Variants in ROBO1 observed in about 807,000 individuals in gnomAD.
ROBO1 encodes the protein roundabout guidance receptor 1, also known as roundabout homolog 1.
ROBO1 carries 149 observed loss-of-function variants against 195.9 expected under a neutral mutation model. That is an observed-to-expected ratio of 0.76 (90% CI 0.67 to 0.87). ROBO1 has a LOEUF of 0.87. Ranked by LOEUF, ROBO1 falls within the 40% of genes least tolerant of loss-of-function variation. The pLI, the probability that ROBO1 is intolerant of heterozygous loss-of-function variation, is 0.00. For missense variants in ROBO1, 1,933 were observed against 2,068.3 expected (o/e 0.93, Z 1.27); for synonymous variants, 816 against 733.2 (o/e 1.11, Z -1.82).
intron 2 of ROBO1, among the ~76,000 whole-genome samples, chr3:79,355,675 C>T (rs987523113): frequency 1.4e-4 from 21 of 152,124 alleles, no homozygotes; most frequent in African/African-American, 5.1e-4. Flanking sequence ...TCTTTCTGTG[C>T]CTAGCTTATT....
chr3:79,429,105 T>C (rs1007616352), intron 2 of ROBO1, among the ~76,000 whole-genome samples: 1 of 152,180 alleles, frequency 6.6e-6, no homozygotes, highest in Non-Finnish European at 1.5e-5. Context: ...TTTTACTGTA[T>C]GTAAATTGTA....
chr3:79,188,960 G>GTTTGCCCCTTCTGCT (rs2081490743), intron 2 of ROBO1, among the ~76,000 whole-genome samples: 1 of 151,710 alleles, frequency 6.6e-6, no homozygotes, highest in Non-Finnish European at 1.5e-5. Context: ...AAGGGAGCTT[G>GTTTGCCCCTTCTGCT]TTTGCCCCTT....
At chr3:78,864,298 T>C (rs1459325975) in intron 4 of ROBO1, among the ~76,000 whole-genome samples, 1 of 152,138 alleles carries the variant, frequency 6.6e-6, no homozygotes, top group East Asian at 1.9e-4. Flanking sequence ...ACAATGTTTA[T>C]TAAAGTGAAG....
intron 3 of ROBO1, among the ~76,000 whole-genome samples, chr3:79,067,640 GT>G (rs11293640): frequency 0.96 from 145,416 of 152,016 alleles, 69,898 homozygotes; most frequent in East Asian, 1. Flanking sequence ...TTTTCAACTT[GT>G]TTCAGGGCAA....
chr3:79,204,565 A>G (rs184295160), intron 2 of ROBO1, among the ~76,000 whole-genome samples: 27 of 152,158 alleles, frequency 1.8e-4, no homozygotes, highest in African/African-American at 6.0e-4. Flanking sequence ...CATGCTTTGT[A>G]GTGGGTTGTG....
At chr3:78,650,108 TCTACCCCAAACACC>T (rs1706553034) in intron 19 of ROBO1, among the ~76,000 whole-genome samples, 1 of 152,026 alleles carries the variant, frequency 6.6e-6, no homozygotes. Flanking sequence ...CCAAACATCT[TCTACCCCAAACACC>T]CTACCCCTTC....
intron 5 of ROBO1, among the ~76,000 whole-genome samples, chr3:78,738,684 C>G (rs1435285004): frequency 6.6e-6 from 1 of 152,052 alleles, no homozygotes; most frequent in Non-Finnish European, 1.5e-5. Context: ...AACACCAGGA[C>G]CATCCTGGGC....
At chr3:79,628,559 T>C (rs1379042755) in intron 1 of ROBO1, among the ~76,000 whole-genome samples, 1 of 152,164 alleles carries the variant, frequency 6.6e-6, no homozygotes, top group Non-Finnish European at 1.5e-5. Context: ...CAGGTATACC[T>C]ATGTAACAAA....
chr3:78,860,326 A>ATATATATATATT (rs376853384), intron 4 of ROBO1, among the ~76,000 whole-genome samples: 1,269 of 93,416 alleles, frequency 0.014, 23 homozygotes, highest in Non-Finnish European at 0.02. Flanking sequence ...ATATATATAT[A>ATATATATATATT]TTTTTTTTTT....
At chr3:78,885,475 A>G (rs1214267077) in intron 4 of ROBO1, among the ~76,000 whole-genome samples, 1 of 151,324 alleles carries the variant, frequency 6.6e-6, no homozygotes, top group African/African-American at 2.4e-5. Context: ...CTCTTGAAAT[A>G]AAAGTTCCCC....
At chr3:79,050,799 C>T (rs898870019) in intron 3 of ROBO1, among the ~76,000 whole-genome samples, 30 of 152,124 alleles carry the variant, frequency 2.0e-4, no homozygotes, top group African/African-American at 6.3e-4. Flanking sequence ...CAACCTGCTC[C>T]TCAATGACTA....
rs184739192 is a variant in ROBO1, at chr3:78,873,901, G to A, written c.499+64700C>T. On this transcript the variant is annotated intron_variant, in intron 4 of 30. Coordinates refer to ENST00000464233, the MANE Select transcript of ROBO1 (RefSeq NM_002941.4). ...TTACTTTCATTTCAGTTTTACAGCT[G>A]AGGAAACAAGGACTTTGGAAATCAA... Among the ~76,000 whole-genome samples the A allele has an allele frequency of 1.5e-3, 234 of 152,122 alleles. 2 individuals carry two copies. The highest frequency in any genetic ancestry group is 5.4e-3 in the African/African-American group (224 of 41,530).
chr3:79,586,236 T>A (rs1943826641), intron 2 of ROBO1, among the ~76,000 whole-genome samples: 1 of 152,022 alleles, frequency 6.6e-6, no homozygotes, highest in East Asian at 1.9e-4. Flanking sequence ...GTATATTCAT[T>A]GTAATTTCTA....
chr3:79,309,990 T>C (rs1274904580), intron 2 of ROBO1, among the ~76,000 whole-genome samples: 1 of 152,218 alleles, frequency 6.6e-6, no homozygotes, highest in African/African-American at 2.4e-5. Flanking sequence ...ATTTAACTGT[T>C]GTTCAACTTG....
chr3:78,980,989 G>A (rs940540456), intron 3 of ROBO1, among the ~76,000 whole-genome samples: 3 of 152,146 alleles, frequency 2.0e-5, no homozygotes, highest in Admixed American at 6.6e-5. Context: ...ACAGTCATTC[G>A]TATAAAACAT....
chr3:79,745,716 T>C (rs1043264366), intron 1 of ROBO1, among the ~76,000 whole-genome samples: 4 of 152,166 alleles, frequency 2.6e-5, no homozygotes, highest in African/African-American at 9.6e-5. Context: ...CTTTTCATTT[T>C]TGGAAAATAC....
chr3:78,671,819 G>C (rs1205050612), intron 10 of ROBO1, among the ~76,000 whole-genome samples: 1 of 152,018 alleles, frequency 6.6e-6, no homozygotes, highest in Non-Finnish European at 1.5e-5. Flanking sequence ...AAATTTGGTA[G>C]TCTTATCATA....
At chr3:78,638,253 A>G (rs1275570525) in intron 22 of ROBO1, among the ~76,000 whole-genome samples, 1 of 137,696 alleles carries the variant, frequency 7.3e-6, no homozygotes, top group Admixed American at 7.0e-5. Flanking sequence ...ATACACACAT[A>G]CATATATGTA....
At chr3:79,392,489 G>T (rs2036991674) in intron 2 of ROBO1, among the ~76,000 whole-genome samples, 1 of 152,022 alleles carries the variant, frequency 6.6e-6, no homozygotes, top group Non-Finnish European at 1.5e-5. Context: ...CTGCATATAG[G>T]CTTTACACAC....
Sources: gnomAD v4.1 joint callset for allele counts (sites outside exome capture counted in the v4.1 genomes callset) on GRCh38, gnomAD v4.1.1 for gene constraint, MANE v1.5 for transcripts, NCBI Gene and HGNC (gene_info 2026-07-23, HGNC 2026-07-21) for gene names.